TMEM232: variants seen among roughly 807,000 people sequenced by gnomAD.
TMEM232 encodes transmembrane protein 232.
Under a neutral mutation model 78.8 loss-of-function variants are expected in TMEM232, and 80 were observed. The ratio of observed to expected loss-of-function variants is 1.01; its 90% CI spans 0.85 to 1.22. The LOEUF is 1.22. Ranked by LOEUF, TMEM232 falls within the 50% of genes most tolerant of loss-of-function variation. The pLI is 0.00. For missense variants in TMEM232, 881 were observed against 742.2 expected (o/e 1.19, Z -2.17); for synonymous variants, 297 against 254.3 (o/e 1.17, Z -1.60).
At chr5:110,463,756 A>C (rs1451645270) in intron 12 of TMEM232, among the ~76,000 whole-genome samples, 1 of 152,068 alleles carries the variant, frequency 6.6e-6, no homozygotes, top group African/African-American at 2.4e-5. Flanking sequence ...TTCTACCTTC[A>C]AAACAGTCTT....
At chr5:110,697,248 TAGAA>T (rs1208346992) in intron 1 of TMEM232, among the ~76,000 whole-genome samples, 3 of 152,054 alleles carry the variant, frequency 2.0e-5, no homozygotes, top group African/African-American at 7.2e-5. Context: ...TAGCCACACA[TAGAA>T]AGATGAAACC....
At chr5:110,663,984 T>G (rs576047670) in intron 2 of TMEM232, among the ~76,000 whole-genome samples, 2 of 152,032 alleles carry the variant, frequency 1.3e-5, no homozygotes, top group East Asian at 3.9e-4. Context: ...CAAAAAAAAT[T>G]TTTTATTTAT....
chr5:110,595,089 C>A (rs1779991767), intron 10 of TMEM232, among the ~76,000 whole-genome samples: 1 of 152,194 alleles, frequency 6.6e-6, no homozygotes, highest in African/African-American at 2.4e-5. Context: ...AGGCAGCAAT[C>A]TTTGCCATAC....
intron 2 of TMEM232, among the ~76,000 whole-genome samples, chr5:110,647,857 A>G (rs1787722489): frequency 6.6e-6 from 1 of 152,134 alleles, no homozygotes; most frequent in African/African-American, 2.4e-5. Context: ...ATTCTGGTTT[A>G]TCAGCCCCCA....
At position 110,406,265 on chromosome 5, in the gene TMEM232, TACACACACACAC is replaced by T. The variant is rs70999966; in HGVS notation, n.309-8423_309-8412del. ...CATCTACCTATGACACAGATATATA[TACACACACACAC>T]ACACACACACACACACACACACACA... On this transcript the variant is annotated intron_variant and non_coding_transcript_variant, in intron 2 of 8. Transcript: ENST00000507188. 1.1e-3 allele frequency among the ~76,000 whole-genome samples: 153 copies of T among 143,682 alleles called. 1 individual carries two copies. Among genetic ancestry groups the T allele is most frequent in the Admixed American group, 4.9e-3 (70 of 14,210 alleles). 94.3% of individuals were successfully genotyped at this position (143,682 alleles called of 152,430 possible). A position where few individuals can be genotyped will look rare whatever the true frequency, so the allele number is the denominator to read the frequency against.
chr5:110,528,316 T>C (rs528008182), intron 12 of TMEM232, among the ~76,000 whole-genome samples: 22 of 151,980 alleles, frequency 1.4e-4, no homozygotes, highest in Non-Finnish European at 2.5e-4. Flanking sequence ...TATTGAATGA[T>C]TTGGTTTCTG....
At position 110,605,329 on chromosome 5, in the gene TMEM232, G is replaced by A. The variant is rs1781413406; in HGVS notation, c.1056C>T (p.Ser352=). The A allele has an allele frequency of 6.5e-7, 1 of 1,543,258 alleles. No individual in the cohort carries two copies. The highest frequency in any genetic ancestry group is 8.7e-7 in the Non-Finnish European group (1 of 1,143,308). The part of the protein sequence containing the change: ...QEESCKVDDF[S]WAWNVVYIYT... ...ATATGTAGACTACATTCCAGGCCCA[G>A]GAAAAATCATCTACCTTGCAACTTT... Residue 352 remains serine (S), a synonymous_variant, in exon 10 of 14, where the codon TCC becomes TCT. Transcript: ENST00000455884.
chr5:110,528,982 A>T, intron 11 of TMEM232, 147 bp from the exon 12 acceptor site: 1 of 906,484 alleles, frequency 1.1e-6, no homozygotes, highest in Non-Finnish European at 1.4e-6. Flanking sequence ...CTTTATAAAA[A>T]AATTGCAGTT....
intron 12 of TMEM232, among the ~76,000 whole-genome samples, chr5:110,476,410 A>T (rs1763259362): frequency 6.6e-6 from 1 of 152,006 alleles, no homozygotes; most frequent in African/African-American, 2.4e-5. Flanking sequence ...AGGACTCCAG[A>T]GGAAAACAAA....
intron 1 of TMEM232, among the ~76,000 whole-genome samples, chr5:110,708,734 C>CA (rs1210607432): frequency 4.6e-5 from 7 of 151,388 alleles, no homozygotes; most frequent in Non-Finnish European, 7.4e-5. Context: ...AACAGATTCA[C>CA]AAAAAATAAA....
chr5:110,522,757 G>T (rs1303811304), intron 12 of TMEM232, among the ~76,000 whole-genome samples: 1 of 152,102 alleles, frequency 6.6e-6, no homozygotes, highest in Non-Finnish European at 1.5e-5. Flanking sequence ...GCATCGCAGG[G>T]ATAAAACCCC....
intron 12 of TMEM232, among the ~76,000 whole-genome samples, chr5:110,525,097 C>T (rs1770375394): frequency 6.6e-6 from 1 of 151,110 alleles, no homozygotes; most frequent in Admixed American, 6.6e-5. Context: ...TAATAAAATA[C>T]ATCTTTCTCA....
downstream of TMEM232, among the ~76,000 whole-genome samples, chr5:110,415,229 C>T (rs1218616415): frequency 2.6e-5 from 4 of 151,728 alleles, no homozygotes; most frequent in Non-Finnish European, 5.9e-5. Flanking sequence ...ACCCTGTCGC[C>T]CAGGCCGGAG....
chr5:110,538,796 TG>T (rs1772730690), intron 11 of TMEM232, among the ~76,000 whole-genome samples: 2 of 151,640 alleles, frequency 1.3e-5, no homozygotes, highest in South Asian at 4.2e-4. Flanking sequence ...CTGGATGTCA[TG>T]GGTACCCAAA....
chr5:110,524,399 GAAAGAAAGAAAGAAAGAAAAGA>G (rs1380297553), intron 12 of TMEM232, among the ~76,000 whole-genome samples: 1,143 of 71,646 alleles, frequency 0.016, 6 homozygotes, highest in South Asian at 0.041. Flanking sequence ...AAGAAAGAAA[GAAAGAAAGAAAGAAAGAAAAGA>G]AAAGAAAAGA....
chr5:110,432,850 A>G (rs998028667), intron 12 of TMEM232, among the ~76,000 whole-genome samples: 15 of 151,812 alleles, frequency 9.9e-5, no homozygotes, highest in Non-Finnish European at 2.1e-4. Flanking sequence ...TAAATCAGAT[A>G]AAATTAACTT....
At chr5:110,455,888 T>C (rs920305471) in intron 12 of TMEM232, among the ~76,000 whole-genome samples, 2 of 152,116 alleles carry the variant, frequency 1.3e-5, no homozygotes, top group Non-Finnish European at 2.9e-5. Flanking sequence ...AAGCTTTTAA[T>C]AAAATTCAAT....
At chr5:110,504,948 T>C (rs1051288028) in intron 12 of TMEM232, among the ~76,000 whole-genome samples, 1 of 152,222 alleles carries the variant, frequency 6.6e-6, no homozygotes, top group Non-Finnish European at 1.5e-5. Flanking sequence ...GCACTTATTT[T>C]CATACAAGAA....
intron 13 of TMEM232, among the ~76,000 whole-genome samples, chr5:110,423,616 T>C (rs552540119): frequency 6.6e-6 from 1 of 152,260 alleles, no homozygotes; most frequent in Admixed American, 6.5e-5. Flanking sequence ...TTAGCTACAA[T>C]ATAAGCAGGT....
Sources: gnomAD v4.1 joint callset for allele counts (sites outside exome capture counted in the v4.1 genomes callset) on GRCh38, gnomAD v4.1.1 for gene constraint, MANE v1.5 for transcripts, NCBI Gene and HGNC (gene_info 2026-07-23, HGNC 2026-07-21) for gene names.